ZNF565: variants seen among roughly 807,000 people sequenced by gnomAD.
ZNF565 encodes the protein zinc finger protein 565.
In ZNF565, 27 loss-of-function variants were observed where a neutral mutation model predicts 39.4. The observed-to-expected ratio is 0.69, with a 90% CI of 0.51 to 0.95. ZNF565 has a LOEUF of 0.95. ZNF565 is among the 40% of genes least tolerant of loss of function. ZNF565 has a pLI of 0.00. For missense variants in ZNF565, 524 were observed against 621.1 expected, an observed-to-expected ratio of 0.84 and a Z score of 1.66; for synonymous variants, 185 against 216.6, an observed-to-expected ratio of 0.85 and a Z score of 1.28.
upstream of ZNF565, chr19:36,215,309 C>G (rs1231484808): frequency 6.6e-6 from 1 of 152,220 alleles, no homozygotes; most frequent in Admixed American, 6.6e-5. Context: ...TTCTGGCCTA[C>G]GTGCGGGGCG....
At chr19:36,187,762 C>T (rs1306367626) in intron 4 of ZNF565, among the ~76,000 whole-genome samples, 9 of 151,858 alleles carry the variant, frequency 5.9e-5, no homozygotes, top group Non-Finnish European at 1.2e-4. Flanking sequence ...CTCAGCCTCC[C>T]GAGTAGCTGG....
At chr19:36,209,505 CAAAAACA>C (rs145923665) in intron 1 of ZNF565, among the ~76,000 whole-genome samples, 5,959 of 151,880 alleles carry the variant, frequency 0.039, 359 homozygotes, top group African/African-American at 0.13. Flanking sequence ...AAAACAAAAA[CAAAAACA>C]AAAAACAAAA....
In ZNF565 at chr19:36,198,612, T is replaced by G. The variant is rs530790846; in HGVS notation, c.9+3365A>C. On this transcript the variant is annotated intron_variant, in intron 2 of 4. Coordinates refer to ENST00000304116, the MANE Select transcript of ZNF565 (RefSeq NM_152477.5). ...ATAAGAACTTAATTGTACATTTTTT[T>G]TTTTTGAGATGGAGTTTTGCTTTGT... Among the ~76,000 whole-genome samples the G allele has an allele frequency of 3.3e-5, 5 of 152,138 alleles. No individual in the cohort carries two copies. The South Asian group carries it at 1.0e-3, about 32-fold the overall frequency.
At chr19:36,184,338 C>T (rs78681998) in intron 4 of ZNF565, among the ~76,000 whole-genome samples, 2,307 of 151,934 alleles carry the variant, frequency 0.015, 72 homozygotes, top group African/African-American at 0.051. Flanking sequence ...ACAATCTTGG[C>T]TCACGCAACC....
At chr19:36,218,406 A>G (rs1483973317), upstream of ZNF565, among the ~76,000 whole-genome samples, 6 of 152,234 alleles carry the variant, frequency 3.9e-5, no homozygotes, top group South Asian at 1.2e-3. Context: ...AGAAAATATT[A>G]TAGTCCTGTG....
chr19:36,194,384 G>C (rs557653346), intron 3 of ZNF565, 56 bp from the exon 4 acceptor site: 2 of 1,402,896 alleles, frequency 1.4e-6, no homozygotes, highest in East Asian at 2.4e-5. Context: ...TCCAAACCCA[G>C]TTCCCTGGTC....
chr19:36,240,860 A>G (rs1977787440), intron 1 of ZNF565, among the ~76,000 whole-genome samples: 1 of 141,148 alleles, frequency 7.1e-6, no homozygotes, highest in Non-Finnish European at 1.5e-5. Context: ...ACAGAATGAG[A>G]CTCTATCTCA....
At chr19:36,236,764 T>C in intron 1 of ZNF565, 1 of 1,614,068 alleles carries the variant, frequency 6.2e-7, no homozygotes, top group Non-Finnish European at 8.5e-7. Flanking sequence ...GCGGGAAAGC[T>C]TTCATTCAGA....
At chr19:36,211,810 A>G (rs183393926) in intron 1 of ZNF565, among the ~76,000 whole-genome samples, 1 of 152,222 alleles carries the variant, frequency 6.6e-6, no homozygotes, top group Admixed American at 6.5e-5. Context: ...ACAAAAAAAA[A>G]AAGAAGAAAA....
chr19:36,236,899 G>A, intron 1 of ZNF565: 1 of 1,614,142 alleles, frequency 6.2e-7, no homozygotes, highest in South Asian at 1.1e-5. Flanking sequence ...ATATTGGAGA[G>A]AAGCCTTTTA....
chr19:36,193,986 A>G (rs1008975435), intron 4 of ZNF565, among the ~76,000 whole-genome samples: 4 of 152,162 alleles, frequency 2.6e-5, no homozygotes, highest in Non-Finnish European at 4.4e-5. Flanking sequence ...CTGGGGAAGA[A>G]ATAGGTACAT....
intron 1 of ZNF565, among the ~76,000 whole-genome samples, chr19:36,243,728 C>A (rs911326587): frequency 2.0e-5 from 3 of 151,806 alleles, no homozygotes; most frequent in Non-Finnish European, 2.9e-5. Flanking sequence ...GAGACAGGGT[C>A]TTGCTATGTC....
intron 1 of ZNF565, among the ~76,000 whole-genome samples, chr19:36,209,297 G>A (rs1054115680): frequency 1.3e-5 from 2 of 152,062 alleles, no homozygotes; most frequent in African/African-American, 4.8e-5. Flanking sequence ...TTGGGAGGCC[G>A]AGGCGGTTGG....
At chr19:36,220,855 C>CTT (rs61343359) in intron 1 of ZNF565, among the ~76,000 whole-genome samples, 55 of 142,272 alleles carry the variant, frequency 3.9e-4, no homozygotes, top group Middle Eastern at 3.7e-3. Flanking sequence ...TAAAATGCAT[C>CTT]TTTTTTTTTT....
intron 4 of ZNF565, among the ~76,000 whole-genome samples, chr19:36,192,063 C>A (rs1216855902): frequency 8.0e-5 from 12 of 149,390 alleles, no homozygotes; most frequent in Admixed American, 2.0e-4. Flanking sequence ...ATCTTGGCTC[C>A]CTGCAACCTC....
At chr19:36,232,061 G>GGC (rs1361240255) in intron 1 of ZNF565, among the ~76,000 whole-genome samples, 2 of 151,896 alleles carry the variant, frequency 1.3e-5, no homozygotes, top group African/African-American at 2.4e-5. Flanking sequence ...AAACTAGCTG[G>GGC]GCGTGGTGAT....
At chr19:36,222,427 G>T (rs927301233) in intron 1 of ZNF565, among the ~76,000 whole-genome samples, 1 of 152,156 alleles carries the variant, frequency 6.6e-6, no homozygotes, top group African/African-American at 2.4e-5. Context: ...TGACACAGGA[G>T]TAGCTCTAAA....
At chr19:36,233,084 C>A (rs974862853) in intron 1 of ZNF565, among the ~76,000 whole-genome samples, 1 of 152,104 alleles carries the variant, frequency 6.6e-6, no homozygotes. Context: ...GTATTTTCTA[C>A]CAAGAAAAGC....
intron 1 of ZNF565, among the ~76,000 whole-genome samples, chr19:36,232,206 A>AC (rs1173795970): frequency 6.6e-6 from 1 of 152,050 alleles, no homozygotes; most frequent in Non-Finnish European, 1.5e-5. Flanking sequence ...AAAAAAAAAA[A>AC]AAAAAACATA....
Sources: gnomAD v4.1 joint callset for allele counts (sites outside exome capture counted in the v4.1 genomes callset) on GRCh38, gnomAD v4.1.1 for gene constraint, MANE v1.5 for transcripts, NCBI Gene and HGNC (gene_info 2026-07-23, HGNC 2026-07-21) for gene names.